ZNF362: variants seen among roughly 807,000 people sequenced by gnomAD.
ZNF362 encodes rotund homolog.
A neutral mutation model predicts 42.9 loss-of-function variants in ZNF362; 11 were observed. That is an observed-to-expected ratio of 0.26 (90% confidence interval 0.16 to 0.42). The LOEUF is 0.42. ZNF362 is among the 20% of genes least tolerant of loss of function. The pLI is 1.00. For missense variants in ZNF362, 362 were observed against 576.2 expected (o/e 0.63, Z 3.81); for synonymous variants, 255 against 257.3 (o/e 0.99, Z 0.09).
chr1:33,152,164 A>G, the ZNF362 span, among the ~76,000 whole-genome samples: 1 of 152,220 alleles, frequency 6.6e-6, no homozygotes, highest in Admixed American at 6.5e-5. Flanking sequence ...CTCTGAGGTA[A>G]GTGGCTTGCT....
rs1448637802 is a variant in ZNF362, at chr1:33,299,839, CCT to C, written c.*797_*798del. 1 of 152,786 alleles carries C rather than the reference CCT, an allele frequency of 6.5e-6. No individual in the cohort carries two copies. The highest frequency in any genetic ancestry group is 1.5e-5 in the Non-Finnish European group (1 of 68,158). The allele number at this position is 152,786 out of a possible 1,614,324, so 9.5% of individuals were successfully genotyped here. ...TGCTGGCCAGGAAACCTTTCGGCTA[CCT>C]CTCCCACCATCCCAGACTGTGGGCA... On this transcript the variant is annotated 3_prime_UTR_variant, in exon 9 of 9. Transcript: ENST00000539719.
At chr1:33,239,803 A>G in the ZNF362 span, among the ~76,000 whole-genome samples, 1 of 152,214 alleles carries the variant, frequency 6.6e-6, no homozygotes, top group Non-Finnish European at 1.5e-5. Flanking sequence ...GAGACACAGA[A>G]CAAAATCATA....
the ZNF362 span, among the ~76,000 whole-genome samples, chr1:33,177,097 A>G: frequency 6.6e-6 from 1 of 151,832 alleles, no homozygotes; most frequent in Admixed American, 6.6e-5. This position sits in a 1 kb window ranked among gnomAD's most constrained non-coding sequence, Gnocchi z 4.1. Context: ...ACAAATGCAC[A>G]CACATGCACA....
the ZNF362 span, among the ~76,000 whole-genome samples, chr1:33,173,710 T>C: frequency 6.6e-6 from 1 of 152,040 alleles, no homozygotes; most frequent in Non-Finnish European, 1.5e-5. Context: ...TAAAAAAAAT[T>C]TTTTTAGAGA....
the ZNF362 span, among the ~76,000 whole-genome samples, chr1:33,127,698 C>G: frequency 6.6e-5 from 10 of 152,220 alleles, no homozygotes; most frequent in African/African-American, 2.4e-4. Flanking sequence ...GACTTGTCTC[C>G]GATGTCCTTC....
the ZNF362 span, among the ~76,000 whole-genome samples, chr1:33,210,680 T>C: frequency 6.6e-6 from 1 of 152,170 alleles, no homozygotes; most frequent in Admixed American, 6.5e-5. Context: ...CACTATGTAA[T>C]GGCCTTCTTC....
At chr1:33,158,513 T>G in the ZNF362 span, 106 of 642,272 alleles carry the variant, frequency 1.7e-4, no homozygotes, top group Non-Finnish European at 2.6e-5. Flanking sequence ...AGTGCCTGCT[T>G]GTGCTGCTTC....
At chr1:33,146,273 A>G in the ZNF362 span, 1 of 199,140 alleles carries the variant, frequency 5.0e-6, no homozygotes, top group East Asian at 1.4e-4. Flanking sequence ...ATAGATGCCA[A>G]GTCTGACAAG....
chr1:33,143,820 G>A, the ZNF362 span, among the ~76,000 whole-genome samples: 1 of 152,322 alleles, frequency 6.6e-6, no homozygotes, highest in Non-Finnish European at 1.5e-5. Flanking sequence ...CAGTGGCCTG[G>A]GAGACACAGT....
chr1:33,147,344 C>G, the ZNF362 span: 2 of 1,614,204 alleles, frequency 1.2e-6, no homozygotes, highest in Non-Finnish European at 1.7e-6. The surrounding 1 kb of genome is among the most constrained non-coding windows in gnomAD (Gnocchi z 8.1). Flanking sequence ...TGGTCATAGT[C>G]CAGGAAGACA....
At chr1:33,262,206 C>G (rs1645832627) in intron 1 of ZNF362, among the ~76,000 whole-genome samples, 1 of 150,888 alleles carries the variant, frequency 6.6e-6, no homozygotes, top group Non-Finnish European at 1.5e-5. Flanking sequence ...GCCTTGTTCC[C>G]TGCCTCATGC....
chr1:33,156,843 GTCT>G, the ZNF362 span, among the ~76,000 whole-genome samples: 1 of 151,964 alleles, frequency 6.6e-6, no homozygotes, highest in East Asian at 1.9e-4. Context: ...TATCTCCCTC[GTCT>G]TCTTTCTTTC....
At chr1:33,184,102 T>C in the ZNF362 span, among the ~76,000 whole-genome samples, 15 of 151,498 alleles carry the variant, frequency 9.9e-5, no homozygotes, top group Admixed American at 9.2e-4. Flanking sequence ...ATGTATTTAC[T>C]GATGCTGACT....
rs975699486 is a variant in ZNF362, at chr1:33,299,613, C to T, written c.*567C>T. 6.5e-6 allele frequency: 1 copy of T among 154,112 alleles called. No homozygotes were observed. The highest frequency in any genetic ancestry group is 2.0e-4 in the South Asian group (1 of 5,004). The allele number at this position is 154,112 out of a possible 1,614,324, so 9.5% of individuals were successfully genotyped here. On this transcript the variant is annotated 3_prime_UTR_variant, in exon 9 of 9. Coordinates refer to ENST00000539719, the MANE Select transcript of ZNF362 (RefSeq NM_152493.3). ...TTCGCCCCTGAGTGCCTGGCTCGCA[C>T]CTCTCGAGCTGTGCCCTGGGCATCA...
the ZNF362 span, among the ~76,000 whole-genome samples, chr1:33,204,957 T>C: frequency 6.6e-6 from 1 of 152,214 alleles, no homozygotes; most frequent in Non-Finnish European, 1.5e-5. Flanking sequence ...ATCTACAAGA[T>C]ATGTGGAAGA....
chr1:33,198,906 G>A, the ZNF362 span, among the ~76,000 whole-genome samples: 4 of 152,182 alleles, frequency 2.6e-5, no homozygotes, highest in Non-Finnish European at 4.4e-5. Context: ...TATACTGGAT[G>A]AGATTAATGG....
the ZNF362 span, among the ~76,000 whole-genome samples, chr1:33,198,280 C>G: frequency 2.6e-5 from 4 of 151,942 alleles, no homozygotes; most frequent in Non-Finnish European, 5.9e-5. Context: ...TTTGGGAGAC[C>G]AGGGTATTTG....
chr1:33,189,667 ATATATG>A, the ZNF362 span, among the ~76,000 whole-genome samples: 368 of 32,106 alleles, frequency 0.011, 9 homozygotes, highest in Non-Finnish European at 0.019. Context: ...ATATATATAT[ATATATG>A]TATATATATA....
chr1:33,238,187 C>G, the ZNF362 span, among the ~76,000 whole-genome samples: 1 of 151,666 alleles, frequency 6.6e-6, no homozygotes, highest in African/African-American at 2.4e-5. Flanking sequence ...GGCGTGGTGG[C>G]AGGCACCTGT....
Sources: allele counts gnomAD v4.1 joint callset (sites outside exome capture counted in the v4.1 genomes callset), GRCh38; gene constraint gnomAD v4.1.1; non-coding constraint Gnocchi (gnomAD v3.1); transcripts MANE v1.5; gene names NCBI Gene and HGNC (gene_info 2026-07-23, HGNC 2026-07-21).